Variants in TMEM117 observed in about 807,000 individuals in gnomAD.
The protein encoded by TMEM117 is transmembrane protein 117.
In TMEM117, 27 loss-of-function variants were observed where a neutral mutation model predicts 52.4. The observed-to-expected ratio is 0.51, with a 90% CI of 0.38 to 0.71. TMEM117 has a LOEUF of 0.71. Among genes scored for constraint, TMEM117 ranks in the 30% least tolerant of loss-of-function variants. TMEM117 has a pLI of 0.00. For missense variants in TMEM117, 556 were observed against 630.5 expected (o/e 0.88, Z 1.26); for synonymous variants, 215 against 206.3 (o/e 1.04, Z -0.36).
intron 6 of TMEM117, among the ~76,000 whole-genome samples, chr12:44,357,970 A>C (rs1268736347): frequency 1.3e-5 from 2 of 152,206 alleles, no homozygotes; most frequent in African/African-American, 4.8e-5. Flanking sequence ...GTACATTTAC[A>C]CCATGGAATA....
At chr12:43,852,457 C>T (rs142632597) in intron 2 of TMEM117, among the ~76,000 whole-genome samples, 2,058 of 152,102 alleles carry the variant, frequency 0.014, 35 homozygotes, top group African/African-American at 0.048. Context: ...CAAAAATTAG[C>T]TGGGTGTGGT....
intron 6 of TMEM117, among the ~76,000 whole-genome samples, chr12:44,303,514 A>G (rs1950868275): frequency 6.6e-6 from 1 of 152,144 alleles, no homozygotes. Context: ...TTCTACCTTT[A>G]TTGTTGTATC....
chr12:44,228,348 G>C (rs920628932), intron 5 of TMEM117, among the ~76,000 whole-genome samples: 4 of 152,082 alleles, frequency 2.6e-5, no homozygotes, highest in African/African-American at 9.7e-5. Context: ...CTGACATTTT[G>C]TATGTGAGGG....
At chr12:44,006,600 A>T (rs1946200131) in intron 3 of TMEM117, among the ~76,000 whole-genome samples, 1 of 152,220 alleles carries the variant, frequency 6.6e-6, no homozygotes, top group Admixed American at 6.5e-5. Flanking sequence ...ACAAAGAATC[A>T]ATAATGAAAC....
chr12:44,305,203 G>A (rs1950889377), intron 6 of TMEM117, among the ~76,000 whole-genome samples: 2 of 152,172 alleles, frequency 1.3e-5, no homozygotes, highest in Non-Finnish European at 2.9e-5. Flanking sequence ...TGGGGCAGTG[G>A]TAACCATGAG....
the TMEM117 span, among the ~76,000 whole-genome samples, chr12:43,803,112 T>C: frequency 1.3e-5 from 2 of 152,096 alleles, no homozygotes; most frequent in Non-Finnish European, 2.9e-5. Flanking sequence ...AATAAGACAA[T>C]GCAAAAATAA....
chr12:44,383,535 G>C (rs1952048609), intron 7 of TMEM117, among the ~76,000 whole-genome samples: 1 of 152,190 alleles, frequency 6.6e-6, no homozygotes, highest in African/African-American at 2.4e-5. Context: ...TTTCTCATTA[G>C]AGGAGATAGT....
chr12:43,970,527 A>G (rs557215519), intron 3 of TMEM117, among the ~76,000 whole-genome samples: 41 of 152,220 alleles, frequency 2.7e-4, no homozygotes, highest in African/African-American at 9.6e-4. Flanking sequence ...TGACCTTGTG[A>G]TCCGCCTGGC....
chr12:43,971,363 G>A (rs986009238), intron 3 of TMEM117, among the ~76,000 whole-genome samples: 8 of 152,022 alleles, frequency 5.3e-5, no homozygotes, highest in Non-Finnish European at 7.4e-5. Flanking sequence ...AGTCCTTCCC[G>A]TGACTTTTAC....
chr12:43,925,954 A>C (rs1257232780), intron 2 of TMEM117, among the ~76,000 whole-genome samples: 2 of 152,204 alleles, frequency 1.3e-5, no homozygotes, highest in Admixed American at 6.5e-5. Context: ...TTTAAGCTCA[A>C]ACTAGCCACT....
chr12:44,293,585 A>G (rs1233098553), intron 5 of TMEM117, among the ~76,000 whole-genome samples: 1 of 151,870 alleles, frequency 6.6e-6, no homozygotes, highest in Non-Finnish European at 1.5e-5. Flanking sequence ...TGTGTCTACT[A>G]GAGGTTTTTT....
chr12:43,886,827 C>T (rs1055470721), intron 2 of TMEM117, among the ~76,000 whole-genome samples: 1 of 152,084 alleles, frequency 6.6e-6, no homozygotes, highest in East Asian at 1.9e-4. Context: ...TTGTTCCGCT[C>T]TATGTGTCCG....
At chr12:44,134,902 G>T (rs1458065487) in intron 3 of TMEM117, among the ~76,000 whole-genome samples, 1 of 152,040 alleles carries the variant, frequency 6.6e-6, no homozygotes, top group Non-Finnish European at 1.5e-5. Context: ...ATGTCCCATG[G>T]AATCCAAAGT....
chr12:44,007,839 G>C (rs990202745), intron 3 of TMEM117, among the ~76,000 whole-genome samples: 11 of 152,110 alleles, frequency 7.2e-5, no homozygotes, highest in Admixed American at 6.6e-5. Context: ...TGCCATCCAT[G>C]TAAGTCATGA....
intron 3 of TMEM117, chr12:44,083,484 C>T (rs574663098): frequency 1.3e-5 from 2 of 150,080 alleles, no homozygotes; most frequent in Admixed American, 6.7e-5. Flanking sequence ...TCACTGCAAC[C>T]TCCACTTCCT....
At chr12:44,198,947 TG>T (rs563628035) in intron 4 of TMEM117, among the ~76,000 whole-genome samples, 31 of 152,306 alleles carry the variant, frequency 2.0e-4, no homozygotes, top group African/African-American at 7.2e-4. Context: ...GGAGAAACTT[TG>T]GGAAATATGA....
intron 2 of TMEM117, among the ~76,000 whole-genome samples, chr12:43,850,843 A>G (rs1943294585): frequency 6.6e-6 from 1 of 150,520 alleles, no homozygotes; most frequent in South Asian, 2.1e-4. Context: ...CAATTTGTAC[A>G]TGCAAACTTC....
intron 2 of TMEM117, among the ~76,000 whole-genome samples, chr12:43,889,540 C>T (rs951198281): frequency 6.6e-6 from 1 of 152,228 alleles, no homozygotes; most frequent in Non-Finnish European, 1.5e-5. Flanking sequence ...CTGCGCAGTC[C>T]AGTTCCTAAC....
In TMEM117 at chr12:44,282,856, G is replaced by A. The variant is rs150921070; in HGVS notation, c.609-16724G>A. On this transcript the variant is annotated intron_variant, in intron 5 of 7. Transcript: ENST00000266534. ...ACAGCAGCATCCCCATCACAGGTCC[G>A]GAAGCCCAGGAGGAAAGTGGTTTCG... is the stretch of plus-strand genomic sequence containing the variant. Among the ~76,000 whole-genome samples, 95 of 152,296 alleles carry A rather than the reference G, an allele frequency of 6.2e-4. No homozygotes were observed. The East Asian group carries it at 0.011, about 18-fold the overall frequency.
Sources: allele counts gnomAD v4.1 joint callset (sites outside exome capture counted in the v4.1 genomes callset), GRCh38; gene constraint gnomAD v4.1.1; transcripts MANE v1.5; gene names NCBI Gene and HGNC (gene_info 2026-07-23, HGNC 2026-07-21).